The following MYO5B variants were observed in gnomAD, a reference collection of about 807,000 sequenced individuals.
The protein encoded by MYO5B is unconventional myosin-Vb.
A neutral mutation model predicts 229.3 loss-of-function variants in MYO5B; 143 were observed. The observed-to-expected ratio is 0.62, with a 90% CI of 0.54 to 0.72. The LOEUF is 0.72. MYO5B is among the 30% of genes least tolerant of loss of function. MYO5B has a pLI of 0.00. For synonymous variants in MYO5B, 918 were observed against 885.2 expected (o/e 1.04, Z -0.66); for missense variants, 2,321 against 2,331.0 (o/e 1.00, Z 0.09).
At chr18:50,041,718 AG>A (rs2030021504) in intron 2 of MYO5B, among the ~76,000 whole-genome samples, 1 of 152,204 alleles carries the variant, frequency 6.6e-6, no homozygotes, top group South Asian at 2.1e-4. Flanking sequence ...AAGTTTTGGA[AG>A]TAAGAACTTT....
chr18:50,030,689 A>C (rs1598965612), intron 4 of MYO5B, among the ~76,000 whole-genome samples: 1 of 151,588 alleles, frequency 6.6e-6, no homozygotes, highest in African/African-American at 2.4e-5. Flanking sequence ...TTCATTCCTC[A>C]CCAGCTCCAC....
At position 49,936,238 on chromosome 18, in the gene MYO5B, C is replaced by A; in HGVS notation, c.2003+14G>T. ...AGGCTGGGCTGGACAGGCTAATGCC[C>A]AGCAGGCACTTACTGAAAGGGGAGC... is the stretch of plus-strand genomic sequence containing the variant. On this transcript the variant is annotated intron_variant, in intron 16 of 39. Coordinates refer to ENST00000285039, the MANE Select transcript of MYO5B (RefSeq NM_001080467.3). 6.3e-7 allele frequency: 1 copy of A among 1,575,928 alleles called. No individual in the cohort carries two copies. The highest frequency in any genetic ancestry group is 1.3e-5 in the African/African-American group (1 of 74,386).
At chr18:50,148,402 T>C (rs1482484810) in intron 1 of MYO5B, among the ~76,000 whole-genome samples, 1 of 151,468 alleles carries the variant, frequency 6.6e-6, no homozygotes, top group Non-Finnish European at 1.5e-5. Context: ...TTTAGACCAA[T>C]ATCCTTGATG....
chr18:50,094,802 T>C (rs2031518416), intron 1 of MYO5B, among the ~76,000 whole-genome samples: 2 of 152,140 alleles, frequency 1.3e-5, no homozygotes. Context: ...CCAGGATCTA[T>C]TGCCTATGGA....
intron 2 of MYO5B, among the ~76,000 whole-genome samples, chr18:50,049,273 G>T (rs541745125): frequency 6.6e-6 from 1 of 152,206 alleles, no homozygotes; most frequent in East Asian, 1.9e-4. Context: ...GCACATAATT[G>T]CTCAATAATA....
intron 1 of MYO5B, among the ~76,000 whole-genome samples, chr18:50,110,412 C>G (rs73430303): frequency 0.042 from 6,458 of 152,170 alleles, 144 homozygotes; most frequent in African/African-American, 0.053. Context: ...GATAGGCACT[C>G]AAGGATTTGG....
intron 1 of MYO5B, among the ~76,000 whole-genome samples, chr18:50,096,887 C>G (rs1046899556): frequency 2.6e-5 from 4 of 152,206 alleles, no homozygotes; most frequent in Non-Finnish European, 5.9e-5. Context: ...ATACCCCTAC[C>G]TTCAGACAAC....
chr18:49,953,924 G>C (rs1197831973), intron 13 of MYO5B, among the ~76,000 whole-genome samples: 1 of 97,898 alleles, frequency 1.0e-5, no homozygotes, highest in East Asian at 2.3e-4. Flanking sequence ...GTGTGTGTGT[G>C]TGTGTGTGTA....
At chr18:49,951,868 G>A (rs369944531) in intron 14 of MYO5B, among the ~76,000 whole-genome samples, 1 of 152,176 alleles carries the variant, frequency 6.6e-6, no homozygotes, top group African/African-American at 2.4e-5. Flanking sequence ...GTGCCTTGGG[G>A]CTCCTCCCTA....
At chr18:50,030,389 A>C (rs1017242008) in intron 4 of MYO5B, among the ~76,000 whole-genome samples, 1 of 152,128 alleles carries the variant, frequency 6.6e-6, no homozygotes, top group African/African-American at 2.4e-5. Context: ...ACAGCCTGTC[A>C]CTTCCACTCA....
rs1169608229 is a variant in MYO5B, at chr18:49,856,841, C to A, written c.3994G>T (p.Ala1332Ser). 6.2e-7 allele frequency: 1 copy of A among 1,614,188 alleles called. No individual in the cohort carries two copies. The highest frequency in any genetic ancestry group is 8.5e-7 in the Non-Finnish European group (1 of 1,180,004). Residue 1332 changes from alanine to serine, a missense_variant, in exon 30 of 40, where the codon GCC becomes TCC. Ala to Ser is a moderately conservative substitution (Grantham distance 99, BLOSUM62 1). Coordinates refer to ENST00000285039, the MANE Select transcript of MYO5B (RefSeq NM_001080467.3). Reference protein sequence around the residue: ...YLNEDGELGLAYQGLKQVARL... With the variant: ...YLNEDGELGLSYQGLKQVARL... ...GCAACTTGCTTTAGGCCTTGGTAGG[C>A]CAAGCCGAGTTCTCCATCTTCATTT...
At chr18:50,165,786 A>AG (rs147547412) in intron 1 of MYO5B, among the ~76,000 whole-genome samples, 1 of 150,082 alleles carries the variant, frequency 6.7e-6, no homozygotes, top group Non-Finnish European at 1.5e-5. Flanking sequence ...TGAAAGAAAA[A>AG]AAGGAAGGAA....
intron 4 of MYO5B, among the ~76,000 whole-genome samples, chr18:50,024,992 C>T (rs1289589099): frequency 1.3e-5 from 2 of 152,138 alleles, no homozygotes. Context: ...ATAAACCAAG[C>T]TTGCAGCACA....
At chr18:50,149,950 A>G (rs1359969427) in intron 1 of MYO5B, among the ~76,000 whole-genome samples, 7 of 145,168 alleles carry the variant, frequency 4.8e-5, no homozygotes, top group Non-Finnish European at 1.1e-4. Flanking sequence ...AAGGGCTAAT[A>G]TCCAGAATCT....
chr18:49,998,144 A>T (rs1314099806), intron 5 of MYO5B, among the ~76,000 whole-genome samples: 1 of 152,124 alleles, frequency 6.6e-6, no homozygotes, highest in South Asian at 2.1e-4. Flanking sequence ...CTTCCTGGCT[A>T]TAATTCTTCC....
At chr18:50,115,773 C>G (rs1423713799) in intron 1 of MYO5B, among the ~76,000 whole-genome samples, 1 of 143,208 alleles carries the variant, frequency 7.0e-6, no homozygotes, top group Non-Finnish European at 1.5e-5. Flanking sequence ...TTCTTAAGGA[C>G]AGTGTATGGG....
chr18:49,984,951 G>A, intron 7 of MYO5B, 126 bp from the exon 8 acceptor site: 1 of 730,454 alleles, frequency 1.4e-6, no homozygotes, highest in African/African-American at 1.7e-5. Flanking sequence ...AGCTGGATGT[G>A]AAACTCTTTA....
At chr18:50,064,327 A>T (rs574288670) in intron 1 of MYO5B, 1 of 152,336 alleles carries the variant, frequency 6.6e-6, no homozygotes, top group Non-Finnish European at 1.5e-5. Flanking sequence ...TGCTGAATCC[A>T]TTAACCTGCT....
intron 1 of MYO5B, among the ~76,000 whole-genome samples, chr18:50,129,805 C>T (rs568964278): frequency 9.8e-5 from 15 of 152,306 alleles, no homozygotes; most frequent in African/African-American, 1.4e-4. Flanking sequence ...TAAACCAAAT[C>T]ATGGGACTAG....
Sources: gnomAD v4.1 joint callset for allele counts (sites outside exome capture counted in the v4.1 genomes callset) on GRCh38, gnomAD v4.1.1 for gene constraint, MANE v1.5 for transcripts, NCBI Gene and HGNC (gene_info 2026-07-23, HGNC 2026-07-21) for gene names.